Variants in PCDHGA2 observed in about 807,000 individuals in gnomAD.
PCDHGA2 encodes protocadherin gamma subfamily A, 2.
Under a neutral mutation model 59.2 loss-of-function variants are expected in PCDHGA2, and 40 were observed. The observed-to-expected ratio is 0.68, with a 90% CI of 0.52 to 0.88. PCDHGA2 has a LOEUF of 0.88. Ranked by LOEUF, PCDHGA2 falls within the 40% of genes least tolerant of loss-of-function variation. The pLI is 0.00. For missense variants in PCDHGA2, 1,226 were observed against 1,204.0 expected, an observed-to-expected ratio of 1.02 and a Z score of -0.27; for synonymous variants, 560 against 526.0, an observed-to-expected ratio of 1.06 and a Z score of -0.89.
At chr5:141,360,346 G>T in intron 1 of PCDHGA2, 1 of 1,613,922 alleles carries the variant, frequency 6.2e-7, no homozygotes, top group Middle Eastern at 1.6e-4. Context: ...GGTTAGCGCG[G>T]AGAAGGAATA....
chr5:141,453,559 C>T (rs2098769120), intron 1 of PCDHGA2, among the ~76,000 whole-genome samples: 1 of 152,126 alleles, frequency 6.6e-6, no homozygotes, highest in Non-Finnish European at 1.5e-5. Context: ...TGTAGATAAT[C>T]GATTTCATTA....
At chr5:141,466,325 C>T (rs1252026939) in intron 1 of PCDHGA2, among the ~76,000 whole-genome samples, 3 of 152,108 alleles carry the variant, frequency 2.0e-5, no homozygotes, top group African/African-American at 7.2e-5. Context: ...CACATGCTAC[C>T]ATGCCTGGAT....
intron 1 of PCDHGA2, chr5:141,389,276 G>A (rs375882135): frequency 8.7e-6 from 14 of 1,613,858 alleles, no homozygotes; most frequent in Admixed American, 1.7e-5. Flanking sequence ...AGAACAACCC[G>A]CCTGGAGCCT....
chr5:141,368,738 T>C (rs1765827901), intron 1 of PCDHGA2, among the ~76,000 whole-genome samples: 1 of 152,208 alleles, frequency 6.6e-6, no homozygotes, highest in Non-Finnish European at 1.5e-5. Flanking sequence ...GTATATACCA[T>C]ATACTTTTAA....
chr5:141,392,101 C>G (rs1234202076), intron 1 of PCDHGA2: 1 of 152,130 alleles, frequency 6.6e-6, no homozygotes, highest in Non-Finnish European at 1.5e-5. Context: ...AATTTAAAAG[C>G]AACAACTCTA....
intron 1 of PCDHGA2, chr5:141,422,122 A>G (rs758254144): frequency 6.2e-7 from 1 of 1,601,596 alleles, no homozygotes; most frequent in African/African-American, 1.4e-5. Context: ...GGATTCACAA[A>G]CTGGAGAAGT....
rs60063068 is a variant in PCDHGA2, at chr5:141,477,262, C to T, written c.2425-17545C>T. The T allele has an allele frequency of 1.9e-4, 313 of 1,614,138 alleles. No individual in the cohort carries two copies. In the African/African-American group the frequency reaches 3.7e-3, roughly 19 times the overall value. On this transcript the variant is annotated intron_variant, in intron 1 of 3. Coordinates refer to ENST00000394576, the MANE Select transcript of PCDHGA2 (RefSeq NM_018915.4). This position sits in a 1 kb window ranked among gnomAD's most constrained non-coding sequence, Gnocchi z 4.9. ...TCAGTGTGACTGACCTGGATGCTGG[C>T]GAGAACGGGCTGGTGACCTGCGAAG...
chr5:141,449,095 T>C (rs2098628347), intron 1 of PCDHGA2, among the ~76,000 whole-genome samples: 1 of 152,204 alleles, frequency 6.6e-6, no homozygotes. Flanking sequence ...AGTTTTTACA[T>C]ATGCAGTATA....
chr5:141,489,275 A>C lies in PCDHGA2; in HGVS notation c.2425-5532A>C. On this transcript the variant is annotated intron_variant, in intron 1 of 3. Transcript: ENST00000394576. This position sits in a 1 kb window ranked among gnomAD's most constrained non-coding sequence, Gnocchi z 4.5. ...AAGACACTCCCACAGCTCGCTGGGA[A>C]ATGGCAAGTGCTGTGCATGTTGTCC... The C allele has an allele frequency of 4.5e-6, 7 of 1,556,298 alleles. No individual in the cohort carries two copies. Among genetic ancestry groups the C allele is most frequent in the Non-Finnish European group, 6.1e-6 (7 of 1,151,600 alleles).
rs764579211 is a variant in PCDHGA2 at position 141,489,393 on chromosome 5, T to C, written c.2425-5414T>C. 1.9e-5 allele frequency: 30 copies of C among 1,614,098 alleles called. No individual in the cohort carries two copies. In the South Asian group the frequency reaches 3.3e-4, roughly 18 times the overall value. On this transcript the variant is annotated intron_variant, in intron 1 of 3. Coordinates refer to ENST00000394576, the MANE Select transcript of PCDHGA2 (RefSeq NM_018915.4). The surrounding 1 kb of genome is among the most constrained non-coding windows in gnomAD (Gnocchi z 4.5). ...CGCTGGTGGGGAATGTTGCTCAGGA[T>C]CTGGGCTTAAAGATGACAGATCTGT...
chr5:141,341,646 A>C (rs759028955), intron 1 of PCDHGA2: 7 of 718,300 alleles, frequency 9.7e-6, no homozygotes, highest in Non-Finnish European at 1.6e-5. Flanking sequence ...AGAGCACTGC[A>C]TTAGGAACTA....
chr5:141,410,090 C>G (rs369832481), intron 1 of PCDHGA2: 3 of 1,612,358 alleles, frequency 1.9e-6, no homozygotes, highest in South Asian at 2.2e-5. Context: ...GCGCACGGCT[C>G]GAGCCTTAGG....
rs2099426122 is a variant in PCDHGA2 at position 141,477,960 on chromosome 5, A to C, written c.2425-16847A>C. On this transcript the variant is annotated intron_variant, in intron 1 of 3. Coordinates refer to ENST00000394576, the MANE Select transcript of PCDHGA2 (RefSeq NM_018915.4). This position sits in a 1 kb window ranked among gnomAD's most constrained non-coding sequence, Gnocchi z 4.9. ...TCCTACAGTCTCTTGGGATCCCCTAACCAGAGCCTTTTTGCCATAGGGCTG... is the reference window on the plus strand; with the variant it reads ...TCCTACAGTCTCTTGGGATCCCCTACCCAGAGCCTTTTTGCCATAGGGCTG... 1 of 1,613,952 alleles carries C rather than the reference A, an allele frequency of 6.2e-7. No individual in the cohort carries two copies. Among genetic ancestry groups the C allele is most frequent in the African/African-American group, 1.3e-5 (1 of 74,922 alleles).
At chr5:141,380,054 C>T (rs1441784259) in intron 1 of PCDHGA2, among the ~76,000 whole-genome samples, 1 of 151,916 alleles carries the variant, frequency 6.6e-6, no homozygotes, top group South Asian at 2.1e-4. Flanking sequence ...TGCATGCCAC[C>T]ATGCCTAGCT....
At chr5:141,407,309 A>C (rs1197028846) in intron 1 of PCDHGA2, among the ~76,000 whole-genome samples, 1 of 152,240 alleles carries the variant, frequency 6.6e-6, no homozygotes, top group African/African-American at 2.4e-5. Flanking sequence ...AGTAGCCTTC[A>C]TACTTAGTAT....
chr5:141,487,530 T>C lies in PCDHGA2; in HGVS notation c.2425-7277T>C. The stretch of plus-strand genomic sequence containing the variant: ...GCACCCACTCGGAGTGATAGCTTCA[T>C]GATGGTGAAGTCACCCAGTGCACCT... On this transcript the variant is annotated intron_variant, in intron 1 of 3. Coordinates refer to ENST00000394576, the MANE Select transcript of PCDHGA2 (RefSeq NM_018915.4). This position sits in a 1 kb window ranked among gnomAD's most constrained non-coding sequence, Gnocchi z 5.0. The C allele has an allele frequency of 6.2e-7, 1 of 1,614,218 alleles. No individual in the cohort carries two copies. The highest frequency in any genetic ancestry group is 8.5e-7 in the Non-Finnish European group (1 of 1,180,040).
intron 1 of PCDHGA2, chr5:141,384,297 C>A (rs753406812): frequency 1.2e-6 from 2 of 1,613,848 alleles, no homozygotes; most frequent in South Asian, 2.2e-5. Context: ...AGAACAACCC[C>A]AGAGGGGCCT....
At chr5:141,370,350 A>C in intron 1 of PCDHGA2, 1 of 1,496,328 alleles carries the variant, frequency 6.7e-7, no homozygotes, top group Non-Finnish European at 9.0e-7. Context: ...TTATTTAAAG[A>C]TCTCCTCTCC....
chr5:141,447,430 A>G (rs960560239), intron 1 of PCDHGA2, among the ~76,000 whole-genome samples: 9 of 152,156 alleles, frequency 5.9e-5, no homozygotes, highest in African/African-American at 2.2e-4. Flanking sequence ...GAGCCACCGC[A>G]CCCGGAGGAA....
Sources: allele counts gnomAD v4.1 joint callset (sites outside exome capture counted in the v4.1 genomes callset), GRCh38; gene constraint gnomAD v4.1.1; non-coding constraint Gnocchi (gnomAD v3.1); transcripts MANE v1.5; gene names NCBI Gene and HGNC (gene_info 2026-07-23, HGNC 2026-07-21).